SLC36A1: variants seen among roughly 807,000 people sequenced by gnomAD.
The protein encoded by SLC36A1 is solute carrier family 36 member 1.
A neutral mutation model predicts 47.5 loss-of-function variants in SLC36A1; 30 were observed. The observed-to-expected ratio is 0.63, with a 90% CI of 0.47 to 0.86. SLC36A1 has a LOEUF of 0.86. Among genes scored for constraint, SLC36A1 ranks in the 40% least tolerant of loss-of-function variants. The pLI is 0.00. For missense variants in SLC36A1, 517 were observed against 606.0 expected (o/e 0.85, Z 1.54); for synonymous variants, 255 against 249.7 (o/e 1.02, Z -0.20).
chr5:151,469,307 G>A (rs1757015400), intron 7 of SLC36A1: 1 of 680,558 alleles, frequency 1.5e-6, no homozygotes, highest in Admixed American at 2.2e-5. Flanking sequence ...AATATATTTT[G>A]TTTTCATTTT....
chr5:151,476,358 G>A (rs963396648), intron 8 of SLC36A1, among the ~76,000 whole-genome samples: 7 of 152,330 alleles, frequency 4.6e-5, no homozygotes, highest in South Asian at 2.1e-4. Flanking sequence ...TCCTGGGCTC[G>A]TGTCCTGTCC....
chr5:151,376,052 G>A, the SLC36A1 span, among the ~76,000 whole-genome samples: 1 of 152,104 alleles, frequency 6.6e-6, no homozygotes, highest in African/African-American at 2.4e-5. Context: ...TGGTGAGAGT[G>A]GGCATTCTTG....
chr5:151,552,949 G>A, the SLC36A1 span, among the ~76,000 whole-genome samples: 1 of 152,334 alleles, frequency 6.6e-6, no homozygotes, highest in East Asian at 1.9e-4. Flanking sequence ...ACTCTGGCTG[G>A]GGTTAGAGAT....
the SLC36A1 span, chr5:151,380,410 C>A: frequency 7.5e-6 from 3 of 397,570 alleles, no homozygotes; most frequent in Admixed American, 9.6e-5. Context: ...CGTGTGGAAA[C>A]CCAAAGGAAG....
intron 1 of SLC36A1, among the ~76,000 whole-genome samples, chr5:151,454,595 T>C (rs750112065): frequency 2.0e-5 from 3 of 152,108 alleles, no homozygotes; most frequent in Non-Finnish European, 2.9e-5. Context: ...CTGTCTTTGA[T>C]AGAAAGTTCT....
At chr5:151,519,977 C>A in the SLC36A1 span, among the ~76,000 whole-genome samples, 1 of 152,194 alleles carries the variant, frequency 6.6e-6, no homozygotes, top group Non-Finnish European at 1.5e-5. Context: ...AATTTTAGAA[C>A]CCCTGCTGTC....
At chr5:151,529,207 T>C in the SLC36A1 span, 1 of 1,614,038 alleles carries the variant, frequency 6.2e-7, no homozygotes, top group South Asian at 1.1e-5. Flanking sequence ...ACAAGGGCAT[T>C]CTCTAAGACC....
the SLC36A1 span, among the ~76,000 whole-genome samples, chr5:151,367,236 C>T: frequency 1.3e-4 from 20 of 152,088 alleles, no homozygotes; most frequent in African/African-American, 2.2e-4. Flanking sequence ...ACCAGGGCTG[C>T]GTTTTCCCAA....
upstream of SLC36A1, among the ~76,000 whole-genome samples, chr5:151,432,672 C>G (rs1187519979): frequency 1.3e-5 from 2 of 152,136 alleles, no homozygotes; most frequent in Non-Finnish European, 2.9e-5. Flanking sequence ...CTTGACCCAA[C>G]CAGATGAACT....
the SLC36A1 span, among the ~76,000 whole-genome samples, chr5:151,517,438 G>A: frequency 6.1e-4 from 93 of 152,342 alleles, no homozygotes; most frequent in Non-Finnish European, 1.1e-3. Context: ...TCTCCAGGTT[G>A]GGTGGCTGTG....
chr5:151,554,443 C>G, the SLC36A1 span: 1 of 1,614,216 alleles, frequency 6.2e-7, no homozygotes, highest in African/African-American at 1.3e-5. Flanking sequence ...TGAAGGCCTC[C>G]TCATCGCTGT....
At chr5:151,369,880 C>T in the SLC36A1 span, among the ~76,000 whole-genome samples, 9 of 152,110 alleles carry the variant, frequency 5.9e-5, no homozygotes, top group South Asian at 2.1e-4. Context: ...CTGCAACCTC[C>T]GCCTCCCAGA....
the SLC36A1 span, among the ~76,000 whole-genome samples, chr5:151,536,629 T>A: frequency 2.0e-5 from 3 of 152,198 alleles, no homozygotes; most frequent in African/African-American, 4.8e-5. Context: ...CCTGCAGGAA[T>A]CTCTGCTTCC....
intron 9 of SLC36A1, 52 bp downstream of exon 9, chr5:151,476,808 A>G: frequency 6.3e-7 from 1 of 1,598,346 alleles, no homozygotes. Flanking sequence ...TTTAAAAACT[A>G]ATGGGTCACA....
At chr5:151,523,831 C>T in the SLC36A1 span, among the ~76,000 whole-genome samples, 61,821 of 151,938 alleles carry the variant, frequency 0.41, 13,800 homozygotes, top group East Asian at 0.79. Context: ...AACAGAGCTT[C>T]GGTTTAGCCC....
At chr5:151,517,119 AAAG>A in the SLC36A1 span, among the ~76,000 whole-genome samples, 176 of 152,250 alleles carry the variant, frequency 1.2e-3, 1 homozygote, top group Non-Finnish European at 2.2e-3. Context: ...AAAAAAAAAA[AAAG>A]AAAAAAGAAA....
At chr5:151,516,968 C>G in the SLC36A1 span, among the ~76,000 whole-genome samples, 1 of 152,064 alleles carries the variant, frequency 6.6e-6, no homozygotes, top group African/African-American at 2.4e-5. Flanking sequence ...AATAGCCAGG[C>G]ATGGTGGTGT....
chr5:151,416,289 G>A, the SLC36A1 span, among the ~76,000 whole-genome samples: 1 of 152,162 alleles, frequency 6.6e-6, no homozygotes, highest in Non-Finnish European at 1.5e-5. Flanking sequence ...CCTGCTTACT[G>A]CAGCAACTAG....
At chr5:151,505,184 T>TA in the SLC36A1 span, 1 of 309,718 alleles carries the variant, frequency 3.2e-6, no homozygotes, top group African/African-American at 2.2e-5. Flanking sequence ...TGTGGGCAGG[T>TA]ATGAGAATGC....
Sources: gnomAD v4.1 joint callset for allele counts (sites outside exome capture counted in the v4.1 genomes callset) on GRCh38, gnomAD v4.1.1 for gene constraint, MANE v1.5 for transcripts, NCBI Gene and HGNC (gene_info 2026-07-23, HGNC 2026-07-21) for gene names.